The following DNAH14 variants were observed in gnomAD, a reference collection of about 807,000 sequenced individuals.
The protein encoded by DNAH14 is dynein axonemal heavy chain 14, also known as axonemal beta dynein heavy chain 14.
A neutral mutation model predicts 520.9 loss-of-function variants in DNAH14; 478 were observed. That is an observed-to-expected ratio of 0.92 (90% CI 0.85 to 0.99). The LOEUF is 0.99. Ranked by LOEUF, DNAH14 falls within the 50% of genes least tolerant of loss-of-function variation. DNAH14 has a pLI of 0.00. For synonymous variants in DNAH14, 1,581 were observed against 1,757.2 expected (o/e 0.90, Z 2.51); for missense variants, 4,831 against 5,234.5 (o/e 0.92, Z 2.38).
At chr1:225,342,466 T>C (rs1446597859) in intron 69 of DNAH14, among the ~76,000 whole-genome samples, 1 of 152,148 alleles carries the variant, frequency 6.6e-6, no homozygotes, top group Non-Finnish European at 1.5e-5. Context: ...ATTAAATATA[T>C]ATTTTTATTT....
At chr1:225,006,331 G>A (rs1343419368) in intron 9 of DNAH14, among the ~76,000 whole-genome samples, 1 of 152,134 alleles carries the variant, frequency 6.6e-6, no homozygotes, top group Non-Finnish European at 1.5e-5. Context: ...AAAAGAACAG[G>A]TAACAATGAT....
intron 41 of DNAH14, among the ~76,000 whole-genome samples, chr1:225,211,115 T>C (rs2088341959): frequency 6.6e-6 from 1 of 152,146 alleles, no homozygotes; most frequent in South Asian, 2.1e-4. Flanking sequence ...GGATTACAAT[T>C]CCTCGCCAGG....
chr1:225,110,557 CTTCT>C (rs138380746), intron 23 of DNAH14, among the ~76,000 whole-genome samples: 19,447 of 150,898 alleles, frequency 0.13, 3,830 homozygotes, highest in African/African-American at 0.43. Flanking sequence ...TTATTTGGGT[CTTCT>C]TTCTTTTTTT....
intron 15 of DNAH14, among the ~76,000 whole-genome samples, chr1:225,045,995 T>C (rs1386875377): frequency 6.6e-6 from 1 of 152,114 alleles, no homozygotes; most frequent in Non-Finnish European, 1.5e-5. Flanking sequence ...CCATATACAT[T>C]CATGAATTAG....
Position 225,271,948 on chromosome 1 carries a change from G to A in DNAH14, c.7714G>A (p.Glu2572Lys). The change falls in exon 51 of 86, where the codon GAA becomes AAA. Residue 2572 changes from glutamate (E) to lysine (K), a missense_variant. Transcript: ENST00000682510. Reference sequence around the variant, plus strand: ...TTTCTCCATCAATAACTTCACACCTGAAGTTCAGAAAAGTAAGGATCAGAT... The same window carrying A: ...TTTCTCCATCAATAACTTCACACCTAAAGTTCAGAAAAGTAAGGATCAGAT... ...IYFSINNFTP[E>K]VQKSKDQIIS... 1 of 1,550,006 alleles carries A rather than the reference G, an allele frequency of 6.5e-7. No individual in the cohort carries two copies. Among genetic ancestry groups the A allele is most frequent in the Non-Finnish European group, 8.7e-7 (1 of 1,146,514 alleles).
intron 35 of DNAH14, among the ~76,000 whole-genome samples, chr1:225,160,681 C>T (rs142046885): frequency 8.5e-5 from 13 of 152,082 alleles, no homozygotes; most frequent in Non-Finnish European, 1.8e-4. Flanking sequence ...GTTCAACAAA[C>T]CACTATCTTA....
chr1:225,382,056 T>C (rs2095790108), intron 81 of DNAH14, among the ~76,000 whole-genome samples: 1 of 152,176 alleles, frequency 6.6e-6, no homozygotes, highest in Non-Finnish European at 1.5e-5. Flanking sequence ...CAAACACTAT[T>C]TCTCCAGAAA....
At chr1:225,163,208 G>T (rs1006728372) in intron 35 of DNAH14, among the ~76,000 whole-genome samples, 1 of 135,062 alleles carries the variant, frequency 7.4e-6, no homozygotes, top group Non-Finnish European at 1.6e-5. Context: ...TGTTGCTTTT[G>T]TATCCTGCAA....
intron 1 of DNAH14, among the ~76,000 whole-genome samples, chr1:224,941,136 C>G (rs1394897267): frequency 6.6e-6 from 1 of 152,230 alleles, no homozygotes; most frequent in East Asian, 1.9e-4. Flanking sequence ...GTCCCACCAA[C>G]AGTGTAAAAA....
At chr1:225,026,078 C>T (rs965982339) in intron 11 of DNAH14, among the ~76,000 whole-genome samples, 1 of 151,962 alleles carries the variant, frequency 6.6e-6, no homozygotes, top group Non-Finnish European at 1.5e-5. Context: ...GATACTCTCA[C>T]CTCAGCCTCC....
intron 73 of DNAH14, among the ~76,000 whole-genome samples, chr1:225,356,912 G>GTGATC (rs1487502081): frequency 6.6e-6 from 1 of 152,140 alleles, no homozygotes; most frequent in East Asian, 1.9e-4. Flanking sequence ...TATGAGTATA[G>GTGATC]TGATCCTATC....
At position 225,248,019 on chromosome 1, in the gene DNAH14, A is replaced by AAAT. The variant is rs1041738194; in HGVS notation, c.6749-4266_6749-4264dup. On this transcript the variant is annotated intron_variant, in intron 43 of 85. Coordinates refer to ENST00000682510, the MANE Select transcript of DNAH14 (RefSeq NM_001367479.1). ...GGGTGACAGAGCAAGACTCTGTCTCAAATAATAATAATAATAATTAGACAA... is the reference window on the plus strand; with the variant it reads ...GGGTGACAGAGCAAGACTCTGTCTCAAATAATAATAATAATAATAATTAGACAA... Among the ~76,000 whole-genome samples, 19 of 151,984 alleles carry AAAT rather than the reference A, an allele frequency of 1.3e-4. 1 individual carries two copies. The highest frequency in any genetic ancestry group is 2.6e-4 in the Non-Finnish European group (18 of 67,974).
chr1:225,157,819 A>G (rs2149129215), intron 34 of DNAH14, among the ~76,000 whole-genome samples: 1 of 152,294 alleles, frequency 6.6e-6, no homozygotes, highest in South Asian at 2.1e-4. Flanking sequence ...TTGCCAAAAT[A>G]CATTCAGAAG....
At position 225,302,374 on chromosome 1, in the gene DNAH14, G is replaced by GA. The variant is rs1015897127; in HGVS notation, c.8632-774dup. Reference sequence around the variant, plus strand: ...TAAATTTGTTAAAGACAAAAAAAAGGAAAAAAAATCTTGCCTTTTAGTCTT... The same window carrying GA: ...TAAATTTGTTAAAGACAAAAAAAAGGAAAAAAAAATCTTGCCTTTTAGTCTT... On this transcript the variant is annotated intron_variant, in intron 56 of 85. Coordinates refer to ENST00000682510, the MANE Select transcript of DNAH14 (RefSeq NM_001367479.1). Among the ~76,000 whole-genome samples the GA allele has an allele frequency of 4.0e-5, 6 of 151,792 alleles. 1 individual carries two copies. The highest frequency in any genetic ancestry group is 2.1e-4 in the South Asian group (1 of 4,812).
Position 225,346,280 on chromosome 1 carries a change from T to G in DNAH14, c.10997T>G (p.Phe3666Cys), listed in dbSNP as rs1414107565. 6.5e-7 allele frequency: 1 copy of G among 1,549,592 alleles called. No homozygotes were observed. Reference sequence around the variant, plus strand: ...GTGTCTCCAAAAGAAGTTCATGAGTTTATAAGTATTTCAAAAGAACCCAAC... The same window carrying G: ...GTGTCTCCAAAAGAAGTTCATGAGTGTATAAGTATTTCAAAAGAACCCAAC... ...EKVSPKEVHE[F>C]ISISKEPNLE... The change falls in exon 70 of 86, where the codon TTT becomes TGT. Residue 3666 changes from phenylalanine to cysteine, a missense_variant. Coordinates refer to ENST00000682510, the MANE Select transcript of DNAH14 (RefSeq NM_001367479.1).
rs928338264 is a variant in DNAH14, at chr1:225,207,064, A to G, written c.6283A>G (p.Met2095Val). The change falls in exon 41 of 86, where the codon ATG (methionine) becomes GTG (valine). Residue 2095 changes from methionine to valine, a missense_variant. Transcript: ENST00000682510. ...SQSGVDCLEF[M>V]IKNSVTDGLQ... ...ATCAGGAGTGGATTGTCTTGAATTC[A>G]TGATTAAAAATAGTGTCACAGACGG... 2.4e-5 allele frequency: 37 copies of G among 1,550,768 alleles called. No individual in the cohort carries two copies. The highest frequency in any genetic ancestry group is 3.1e-5 in the Non-Finnish European group (35 of 1,146,556).
intron 77 of DNAH14, among the ~76,000 whole-genome samples, chr1:225,373,742 T>TACCACGTGCCTGCTTTGCCTATTCA (rs2095649169): frequency 6.6e-6 from 1 of 152,044 alleles, no homozygotes; most frequent in Admixed American, 6.5e-5. Flanking sequence ...TTGAATTCAG[T>TACCACGTGCCTGCTTTGCCTATTCA]ACCACGTGCC....
chr1:225,031,787 G>T (rs1288238197), intron 11 of DNAH14, among the ~76,000 whole-genome samples: 4 of 151,992 alleles, frequency 2.6e-5, no homozygotes, highest in African/African-American at 9.7e-5. Context: ...AACTCCAGAA[G>T]ACATTAAAAG....
intron 17 of DNAH14, among the ~76,000 whole-genome samples, chr1:225,075,361 G>A (rs2072131466): frequency 6.6e-6 from 1 of 152,064 alleles, no homozygotes; most frequent in Admixed American, 6.5e-5. Context: ...TCAATTGAAG[G>A]TACTGTATTT....
Sources: gnomAD v4.1 joint callset for allele counts (sites outside exome capture counted in the v4.1 genomes callset) on GRCh38, gnomAD v4.1.1 for gene constraint, MANE v1.5 for transcripts, NCBI Gene and HGNC (gene_info 2026-07-23, HGNC 2026-07-21) for gene names.